The following KLHL25 variants were observed in gnomAD, a reference collection of about 807,000 sequenced individuals.
KLHL25 encodes kelch like family member 25.
KLHL25 carries 41 observed loss-of-function variants against 30.0 expected under a neutral mutation model. That is an observed-to-expected ratio of 1.37 (90% CI 1.07 to 1.78). KLHL25 has a LOEUF of 1.78. Ranked by LOEUF, KLHL25 falls within the 40% of genes most tolerant of loss-of-function variation. The pLI, the probability that KLHL25 is intolerant of heterozygous loss-of-function variation, is 0.00. For missense variants in KLHL25, 971 were observed against 824.5 expected, an observed-to-expected ratio of 1.18 and a Z score of -2.18; for synonymous variants, 399 against 355.3, an observed-to-expected ratio of 1.12 and a Z score of -1.38.
At chr15:85,778,536 GA>G (rs1197700950) in intron 1 of KLHL25, among the ~76,000 whole-genome samples, 1 of 152,204 alleles carries the variant, frequency 6.6e-6, no homozygotes, top group Non-Finnish European at 1.5e-5. Context: ...CACAGCTTAG[GA>G]AACTGGGCAG....
At chr15:85,774,776 G>C (rs2089698817) in intron 1 of KLHL25, among the ~76,000 whole-genome samples, 1 of 152,090 alleles carries the variant, frequency 6.6e-6, no homozygotes, top group South Asian at 2.1e-4. Context: ...GGCATGAACA[G>C]CTCAAATTAT....
intron 1 of KLHL25, among the ~76,000 whole-genome samples, chr15:85,774,632 A>G (rs952714725): frequency 6.6e-6 from 1 of 152,168 alleles, no homozygotes; most frequent in Non-Finnish European, 1.5e-5. Flanking sequence ...GTATGGCTAC[A>G]GCACTAACCC....
At chr15:85,771,201 GAA>G (rs55642980) in intron 1 of KLHL25, 53 of 118,002 alleles carry the variant, frequency 4.5e-4, no homozygotes, top group East Asian at 1.1e-3. Context: ...AATTAAGCCT[GAA>G]AAAAAAAAAA....
intron 1 of KLHL25, among the ~76,000 whole-genome samples, chr15:85,771,859 G>A (rs1364654625): frequency 6.6e-6 from 1 of 152,174 alleles, no homozygotes. Flanking sequence ...CTCACTTGTT[G>A]GCAACTATTT....
At chr15:85,782,082 ACAGGCCCTC>A (rs937341236) in intron 1 of KLHL25, among the ~76,000 whole-genome samples, 1 of 151,868 alleles carries the variant, frequency 6.6e-6, no homozygotes, top group African/African-American at 2.4e-5. Flanking sequence ...TTTGCAGAGG[ACAGGCCCTC>A]CAGTAGCAAA....
At chr15:85,767,569 A>G (rs957651231) in intron 2 of KLHL25, among the ~76,000 whole-genome samples, 3 of 152,230 alleles carry the variant, frequency 2.0e-5, no homozygotes, top group African/African-American at 7.2e-5. Flanking sequence ...AACTGTGAGC[A>G]TAACAGCCTT....
intron 2 of KLHL25, among the ~76,000 whole-genome samples, chr15:85,765,485 G>C (rs1597271004): frequency 6.6e-6 from 1 of 152,060 alleles, no homozygotes; most frequent in African/African-American, 2.4e-5. Flanking sequence ...AATTAGCTGG[G>C]CATGGTGGCA....
At chr15:85,772,931 G>A (rs77503700) in intron 1 of KLHL25, among the ~76,000 whole-genome samples, 3,833 of 152,364 alleles carry the variant, frequency 0.025, 166 homozygotes, top group African/African-American at 0.087. Flanking sequence ...TGCCAAGGGC[G>A]GAAGCACCTG....
chr15:85,770,561 C>A (rs775843960), intron 1 of KLHL25: 1 of 533,728 alleles, frequency 1.9e-6, no homozygotes, highest in Non-Finnish European at 3.9e-6. Flanking sequence ...CTCCACAGGG[C>A]TCTTTACCTA....
At chr15:85,786,081 T>G (rs1052298636) in intron 1 of KLHL25, among the ~76,000 whole-genome samples, 1 of 150,366 alleles carries the variant, frequency 6.7e-6, no homozygotes, top group African/African-American at 2.4e-5. Context: ...ACGCAAAAAC[T>G]GCTTTCAGCG....
Position 85,769,445 on chromosome 15 carries a change from C to CTGG in KLHL25, c.365_366insCCA (p.Glu122delinsAspGln). On this transcript the variant is annotated protein_altering_variant, in exon 2 of 3. Coordinates refer to ENST00000337975, the MANE Select transcript of KLHL25 (RefSeq NM_022480.4). ...CGTGGAACTGCAGCATGTCGCCTGC[C>CTGG]TCCAGCAGTGACTCAGCGTTCTCCT... 6.2e-7 allele frequency: 1 copy of CTGG among 1,614,106 alleles called. No individual in the cohort carries two copies. Among genetic ancestry groups the CTGG allele is most frequent in the Non-Finnish European group, 8.5e-7 (1 of 1,180,022 alleles).
intron 2 of KLHL25, chr15:85,764,161 G>C (rs947012525): frequency 1.3e-5 from 2 of 152,318 alleles, no homozygotes; most frequent in African/African-American, 4.8e-5. Flanking sequence ...AGGCATGCCC[G>C]GGCAGCGGCT....
chr15:85,764,352 G>T, intron 2 of KLHL25: 1 of 152,714 alleles, frequency 6.5e-6, no homozygotes, highest in Non-Finnish European at 1.5e-5. Context: ...GCTGAGGAGG[G>T]GCTGCGCGGA....
At chr15:85,764,247 C>G (rs1012631964) in intron 2 of KLHL25, 1 of 152,374 alleles carries the variant, frequency 6.6e-6, no homozygotes, top group African/African-American at 2.4e-5. Flanking sequence ...CTGAGCTGTC[C>G]AGGCAGAAGC....
chr15:85,778,862 T>G (rs2089726857), intron 1 of KLHL25, among the ~76,000 whole-genome samples: 1 of 152,106 alleles, frequency 6.6e-6, no homozygotes, highest in Non-Finnish European at 1.5e-5. Flanking sequence ...CCGAAGAGGA[T>G]TAAGCTCCCA....
At position 85,760,301 on chromosome 15, in the gene KLHL25, G is replaced by A. The variant is rs555075050; in HGVS notation, c.*735C>T. On this transcript the variant is annotated 3_prime_UTR_variant, in exon 3 of 3. Transcript: ENST00000337975. ...AGGGGTGACCCCCAGGGCACTCGGA[G>A]CCTTGAGTCTGCTGCAGGCCCAGCT... 2 of 152,462 alleles carry A rather than the reference G, an allele frequency of 1.3e-5. No individual in the cohort carries two copies. The highest frequency in any genetic ancestry group is 2.1e-4 in the South Asian group (1 of 4,826). The allele number at this position is 152,462 out of a possible 1,614,324, so 9.4% of individuals were successfully genotyped here. A position where few individuals can be genotyped will look rare whatever the true frequency, so the allele number is the denominator to read the frequency against.
At chr15:85,778,105 T>C (rs1239166021) in intron 1 of KLHL25, among the ~76,000 whole-genome samples, 1 of 152,242 alleles carries the variant, frequency 6.6e-6, no homozygotes, top group Non-Finnish European at 1.5e-5. Flanking sequence ...GCATCATGGT[T>C]CAGGCGGTAA....
At chr15:85,782,815 C>A (rs2089752985) in intron 1 of KLHL25, among the ~76,000 whole-genome samples, 1 of 152,190 alleles carries the variant, frequency 6.6e-6, no homozygotes, top group Admixed American at 6.5e-5. Context: ...GGTAGCCTTT[C>A]TTCTACTGCT....
At chr15:85,765,343 A>C (rs2089613201) in intron 2 of KLHL25, among the ~76,000 whole-genome samples, 1 of 152,038 alleles carries the variant, frequency 6.6e-6, no homozygotes, top group African/African-American at 2.4e-5. Context: ...AAAAAAAAGA[A>C]GACCGGGCAC....
Sources: gnomAD v4.1 joint callset for allele counts (sites outside exome capture counted in the v4.1 genomes callset) on GRCh38, gnomAD v4.1.1 for gene constraint, MANE v1.5 for transcripts, NCBI Gene and HGNC (gene_info 2026-07-23, HGNC 2026-07-21) for gene names.